Variants in NASP observed in about 807,000 individuals in gnomAD.
NASP encodes the protein NASP histone chaperone.
NASP carries 24 observed loss-of-function variants against 89.5 expected under a neutral mutation model. That is an observed-to-expected ratio of 0.27 (90% CI 0.19 to 0.38). The LOEUF is 0.38. NASP is among the 10% of genes least tolerant of loss of function. The pLI, the probability that NASP is intolerant of heterozygous loss-of-function variation, is 1.00. For missense variants in NASP, 848 were observed against 921.4 expected, an observed-to-expected ratio of 0.92 and a Z score of 1.03; for synonymous variants, 306 against 324.7, an observed-to-expected ratio of 0.94 and a Z score of 0.62.
chr1:45,584,258 A>G, intron 1 of NASP, 53 bp downstream of exon 1: 1 of 1,503,790 alleles, frequency 6.6e-7, no homozygotes, highest in South Asian at 1.2e-5. Flanking sequence ...GGGGAGGGCT[A>G]ATGGACGGGG....
intron 4 of NASP, 112 bp from the exon 5 acceptor site, chr1:45,606,370 T>C (rs1643908471): frequency 1.5e-6 from 1 of 673,764 alleles, no homozygotes; most frequent in Admixed American, 2.8e-5. Context: ...TTGTATTGCC[T>C]GCGCTTGGCT....
At chr1:45,613,282 C>G (rs780587169) in intron 7 of NASP, 34 bp downstream of exon 7, 25 of 1,578,666 alleles carry the variant, frequency 1.6e-5, no homozygotes, top group Middle Eastern at 1.7e-4. Context: ...TGTTGTCAGC[C>G]TTTTTCTGTT....
At chr1:45,617,874 T>G (rs1644134176) in intron 14 of NASP, among the ~76,000 whole-genome samples, 187 bp from the exon 15 acceptor site, 1 of 152,234 alleles carries the variant, frequency 6.6e-6, no homozygotes, top group Non-Finnish European at 1.5e-5. Flanking sequence ...GTGATGATTA[T>G]TGGCTCTGTC....
chr1:45,588,204 A>G (rs1454818241), intron 1 of NASP, among the ~76,000 whole-genome samples: 2 of 152,100 alleles, frequency 1.3e-5, no homozygotes, highest in African/African-American at 2.4e-5. Flanking sequence ...CCAGGGTTCA[A>G]GCAATTCTCC....
chr1:45,615,661 T>C, intron 11 of NASP, 190 bp downstream of exon 11: 1 of 567,148 alleles, frequency 1.8e-6, no homozygotes, highest in South Asian at 2.3e-5. Flanking sequence ...TTTAATTCCA[T>C]ACTTACGTGT....
intron 2 of NASP, among the ~76,000 whole-genome samples, chr1:45,593,710 T>A (rs77647765): frequency 1.1e-4 from 16 of 151,524 alleles, no homozygotes; most frequent in African/African-American, 3.6e-4. Context: ...ATAAGTCTTA[T>A]GAAATACTGC....
At chr1:45,613,273 G>C in intron 7 of NASP, 25 bp downstream of exon 7, 1 of 1,590,704 alleles carries the variant, frequency 6.3e-7, no homozygotes, top group Non-Finnish European at 8.5e-7. Flanking sequence ...ACTCAGTACT[G>C]TTGTCAGCCT....
At chr1:45,585,413 C>G (rs1644519408) in intron 1 of NASP, among the ~76,000 whole-genome samples, 2 of 152,154 alleles carry the variant, frequency 1.3e-5, no homozygotes, top group South Asian at 2.1e-4. Flanking sequence ...ACGTATATCT[C>G]TGCTTACCAC....
Position 45,607,842 on chromosome 1 carries a change from G to C in NASP, c.931G>C (p.Gly311Arg). ...GACAGTCAAGCCAGTGGATGTGGGT[G>C]GGGACGAGCCAGAGGAGAAGGTAGT... ...DPTVKPVDVG[G>R]DEPEEKVVTS... The change falls in exon 6 of 15, where the codon GGG becomes CGG. Residue 311 changes from glycine (G) to arginine (R), a missense_variant. By Grantham distance (125) the Gly-to-Arg change is moderately radical. Around this residue, in one of 5 missense-constraint regions of NASP, gnomAD observed 464 missense variants for 469.4 expected, o/e 0.99. Coordinates refer to ENST00000350030, the MANE Select transcript of NASP (RefSeq NM_002482.4). 6.2e-7 allele frequency: 1 copy of C among 1,614,116 alleles called. No individual in the cohort carries two copies. Among genetic ancestry groups the C allele is most frequent in the East Asian group, 2.2e-5 (1 of 44,886 alleles).
chr1:45,596,313 A>G (rs972342245), intron 2 of NASP, among the ~76,000 whole-genome samples: 1 of 152,190 alleles, frequency 6.6e-6, no homozygotes, highest in African/African-American at 2.4e-5. Context: ...ACATTGTCGT[A>G]TACCCAATCT....
At chr1:45,613,439 A>G (rs1644050924) in intron 7 of NASP, among the ~76,000 whole-genome samples, 191 bp downstream of exon 7, 1 of 152,178 alleles carries the variant, frequency 6.6e-6, no homozygotes, top group South Asian at 2.1e-4. Context: ...TTGTGCCAAC[A>G]TGCCCAGCTA....
chr1:45,589,552 G>A (rs1048268108), intron 1 of NASP, among the ~76,000 whole-genome samples: 1 of 152,094 alleles, frequency 6.6e-6, no homozygotes, highest in Admixed American at 6.6e-5. Flanking sequence ...AAACTATGAA[G>A]CCATAGCTTC....
In NASP at chr1:45,607,387, A is replaced by G. The variant is rs1203610039; in HGVS notation, c.476A>G (p.Lys159Arg). ...ATGGGAGAAAAAGAAGAAGCCAAAA[A>G]AACAGAAGACAAGTCTTTGGCAAAG... ...DAMGEKEEAK[K>R]TEDKSLAKPE... Residue 159 changes from lysine to arginine, a missense_variant, in exon 6 of 15, where the codon AAA (lysine) becomes AGA (arginine). Around this residue, in one of 5 missense-constraint regions of NASP, gnomAD observed 464 missense variants for 469.4 expected, o/e 0.99. Coordinates refer to ENST00000350030, the MANE Select transcript of NASP (RefSeq NM_002482.4). The G allele has an allele frequency of 2.5e-6, 4 of 1,614,008 alleles. No individual in the cohort carries two copies. Among genetic ancestry groups the G allele is most frequent in the Non-Finnish European group, 3.4e-6 (4 of 1,179,982 alleles).
At chr1:45,605,926 G>A (rs1570982377) in intron 4 of NASP, among the ~76,000 whole-genome samples, 1 of 151,838 alleles carries the variant, frequency 6.6e-6, no homozygotes, top group South Asian at 2.1e-4. Context: ...ACAAGTATGC[G>A]CCACCATGTC....
Position 45,617,356 on chromosome 1 carries a change from T to C in NASP, c.2158-107T>C, listed in dbSNP as rs545292697. 3.8e-5 allele frequency: 51 copies of C among 1,327,560 alleles called. No homozygotes were observed. In the African/African-American group the frequency reaches 6.9e-4, roughly 18 times the overall value. 82.2% of individuals were successfully genotyped at this position (1,327,560 alleles called of 1,614,324 possible). A position where few individuals can be genotyped will look rare whatever the true frequency, so the allele number is the denominator to read the frequency against. ...GGAGAGAGACCCTTAGAGCTGTGAATCCTGATGTTCAGGATCTTTGCACCA... is the reference window on the plus strand; with the variant it reads ...GGAGAGAGACCCTTAGAGCTGTGAACCCTGATGTTCAGGATCTTTGCACCA... On this transcript the variant is annotated intron_variant, in intron 13 of 14. Transcript: ENST00000350030.
rs1569610384 is a variant in NASP, at chr1:45,614,353, T to C, written c.1653T>C (p.Val551=). 3.7e-6 allele frequency: 6 copies of C among 1,612,866 alleles called. No homozygotes were observed. The highest frequency in any genetic ancestry group is 1.7e-5 in the Admixed American group (1 of 60,000). The change falls in exon 9 of 15, where the codon GTT becomes GTC. Residue 551 remains valine, a synonymous_variant. Coordinates refer to ENST00000350030, the MANE Select transcript of NASP (RefSeq NM_002482.4). ...AGGCACATCTTAAACTCGGAGAAGT[T>C]AGTGTTGAATCTGGTAATGCATTTT... is the stretch of plus-strand genomic sequence containing the variant. ...AAQAHLKLGE[V]SVESENYVQA...
Position 45,607,591 on chromosome 1 carries a change from T to C in NASP, c.680T>C (p.Val227Ala). The change falls in exon 6 of 15, where the codon GTC (valine) becomes GCC (alanine). Residue 227 changes from valine (V) to alanine (A), a missense_variant. By Grantham distance (64) the Val-to-Ala change is moderately conservative. Transcript: ENST00000350030. ...CCAGAAGGACCGAATGAAGCTGAGGTCACTTCTGGGAAGCCAGAACAGGAA... is the reference window on the plus strand; with the variant it reads ...CCAGAAGGACCGAATGAAGCTGAGGCCACTTCTGGGAAGCCAGAACAGGAA... ...AAPEGPNEAEVTSGKPEQEVP... is the reference protein window; with the variant it reads ...AAPEGPNEAEATSGKPEQEVP... 6.2e-7 allele frequency: 1 copy of C among 1,613,832 alleles called. No homozygotes were observed. The highest frequency in any genetic ancestry group is 1.1e-5 in the South Asian group (1 of 91,070).
chr1:45,590,682 CTTT>C (rs386366869), intron 1 of NASP, among the ~76,000 whole-genome samples: 4 of 107,186 alleles, frequency 3.7e-5, no homozygotes, highest in Admixed American at 2.2e-4. Context: ...CATAGTGTAA[CTTT>C]TTTTTTTTTT....
At chr1:45,584,676 T>G (rs962299406) in intron 1 of NASP, among the ~76,000 whole-genome samples, 1 of 99,192 alleles carries the variant, frequency 1.0e-5, no homozygotes, top group Non-Finnish European at 2.0e-5. Flanking sequence ...ACCTGAGGGG[T>G]CGGGGTGGGC....
Sources: gnomAD v4.1 joint callset for allele counts (sites outside exome capture counted in the v4.1 genomes callset) on GRCh38, gnomAD v4.1.1 for gene constraint, gnomAD v4.1.1 regional missense constraint, MANE v1.5 for transcripts, NCBI Gene and HGNC (gene_info 2026-07-23, HGNC 2026-07-21) for gene names.